CCDC88C: variants seen among roughly 807,000 people sequenced by gnomAD.
The protein encoded by CCDC88C is coiled-coil and HOOK domain protein 88C.
CCDC88C carries 131 observed loss-of-function variants against 198.8 expected under a neutral mutation model. The observed-to-expected ratio is 0.66, with a 90% confidence interval of 0.57 to 0.76. The LOEUF (loss-of-function observed/expected upper bound fraction) is 0.76, where lower values mean the gene tolerates loss of function less well. CCDC88C is among the 30% of genes least tolerant of loss of function. The pLI is 0.00. For synonymous variants in CCDC88C, 1,166 were observed against 1,114.7 expected (o/e 1.05, Z -0.92); for missense variants, 2,553 against 2,631.6 (o/e 0.97, Z 0.65).
rs1264045241 is a variant in CCDC88C, at chr14:91,278,102, G to A, written c.4878C>T (p.Asn1626=). Residue 1626 remains asparagine (N), a synonymous_variant, in exon 29 of 30, where the codon AAC becomes AAT. Transcript: ENST00000389857. ...LPREASTPGR[N]ALGRHEYPLP... ...AGGGGTACTCGTGGCGGCCGAGGGCGTTGCGTCCCGGTGTGCTGGCTTCCC... is the reference window on the plus strand; with the variant it reads ...AGGGGTACTCGTGGCGGCCGAGGGCATTGCGTCCCGGTGTGCTGGCTTCCC... The A allele has an allele frequency of 5.6e-6, 9 of 1,612,920 alleles. No homozygotes were observed. The highest frequency in any genetic ancestry group is 1.1e-5 in the South Asian group (1 of 90,874).
chr14:91,407,288 C>T (rs1465710029), intron 3 of CCDC88C, among the ~76,000 whole-genome samples: 1 of 152,218 alleles, frequency 6.6e-6, no homozygotes, highest in Non-Finnish European at 1.5e-5. Flanking sequence ...CCTCAGCAGA[C>T]CCCAGAACCA....
Position 91,339,070 on chromosome 14 carries a change from G to A in CCDC88C, c.809+208C>T. ...GGACGGGAGGAAACCCTGAAGACCG[G>A]GAAGAATCCCCGCCCCCATCCCTGT... On this transcript the variant is annotated intron_variant, in intron 8 of 29. Coordinates refer to ENST00000389857, the MANE Select transcript of CCDC88C (RefSeq NM_001080414.4). The surrounding 1 kb of genome is among the most constrained non-coding windows in gnomAD (Gnocchi z 5.8). The A allele has an allele frequency of 3.0e-6, 2 of 663,014 alleles. No individual in the cohort carries two copies. 41.1% of individuals were successfully genotyped at this position (663,014 alleles called of 1,614,324 possible).
At chr14:91,320,102 C>G (rs186705503) in intron 13 of CCDC88C, among the ~76,000 whole-genome samples, 5 of 148,258 alleles carry the variant, frequency 3.4e-5, no homozygotes, top group Admixed American at 2.7e-4. Flanking sequence ...GTTTCGAAAA[C>G]CCTTGGAATC....
intron 10 of CCDC88C, among the ~76,000 whole-genome samples, chr14:91,329,550 C>T (rs1892724010): frequency 6.6e-6 from 1 of 152,226 alleles, no homozygotes; most frequent in Non-Finnish European, 1.5e-5. Flanking sequence ...CCTGTGAAGG[C>T]TGAAGCTCAC....
intron 5 of CCDC88C, 141 bp from the exon 6 acceptor site, chr14:91,342,604 C>T (rs1893357506): frequency 1.5e-6 from 1 of 677,448 alleles, no homozygotes; most frequent in Non-Finnish European, 2.7e-6. Context: ...TCTTGTCCTC[C>T]TACCAGCCTT....
chr14:91,365,599 T>C (rs1894497038), intron 3 of CCDC88C, among the ~76,000 whole-genome samples: 1 of 152,176 alleles, frequency 6.6e-6, no homozygotes, highest in Non-Finnish European at 1.5e-5. Flanking sequence ...AGCCTGTGCT[T>C]TCTTTTGGGA....
rs963848339 is a variant in CCDC88C at position 91,303,805 on chromosome 14, C to A, written c.3531G>T (p.Leu1177=). 1.9e-6 allele frequency: 3 copies of A among 1,613,388 alleles called. No individual in the cohort carries two copies. The highest frequency in any genetic ancestry group is 1.1e-5 in the South Asian group (1 of 91,084). The part of the protein sequence containing the change: ...LLQDHEHLGT[L]HERQSAEYEA... Reference sequence around the variant, plus strand: ...CGTACTCGGCCGATTGCCGCTCGTGCAGCGTGCCCAGGTGCTCGTGGTCCT... The same window carrying A: ...CGTACTCGGCCGATTGCCGCTCGTGAAGCGTGCCCAGGTGCTCGTGGTCCT... The change falls in exon 20 of 30, where the codon CTG becomes CTT. Residue 1177 remains leucine, a synonymous_variant. Transcript: ENST00000389857.
intron 3 of CCDC88C, among the ~76,000 whole-genome samples, chr14:91,402,431 C>G (rs1567124609): frequency 6.6e-6 from 1 of 152,212 alleles, no homozygotes; most frequent in Non-Finnish European, 1.5e-5. Flanking sequence ...AGAAACAAGG[C>G]TGAGCAGAGG....
In CCDC88C at chr14:91,300,451, A is replaced by T. The variant is rs115654683; in HGVS notation, c.3636-381T>A. Among the ~76,000 whole-genome samples the T allele has an allele frequency of 5.9e-3, 892 of 152,324 alleles. 6 individuals are homozygous for T. The highest frequency in any genetic ancestry group is 0.021 in the African/African-American group (859 of 41,558). On this transcript the variant is annotated intron_variant, in intron 20 of 29. Transcript: ENST00000389857. ...ACTAGGTAGTTCACTAAGCACAAATAAATCTAAGAGAAACCACAAAACAAA... is the reference window on the plus strand; with the variant it reads ...ACTAGGTAGTTCACTAAGCACAAATTAATCTAAGAGAAACCACAAAACAAA...
intron 3 of CCDC88C, among the ~76,000 whole-genome samples, chr14:91,404,059 C>T (rs1484900694): frequency 1.3e-5 from 2 of 152,248 alleles, no homozygotes. Flanking sequence ...GGCTCTGGCC[C>T]AGCCTTGCCT....
At position 91,325,260 on chromosome 14, in the gene CCDC88C, A is replaced by G. The variant is rs1002108806; in HGVS notation, c.1198-337T>C. ...TCTGTGGCTCTAGCGAAGCCCTAAC[A>G]GGCCTCTAAAGCTGTTAACAGGCTA... is the stretch of plus-strand genomic sequence containing the variant. On this transcript the variant is annotated intron_variant, in intron 11 of 29. Coordinates refer to ENST00000389857, the MANE Select transcript of CCDC88C (RefSeq NM_001080414.4). This position sits in a 1 kb window ranked among gnomAD's most constrained non-coding sequence, Gnocchi z 4.1. Among the ~76,000 whole-genome samples the G allele has an allele frequency of 4.6e-5, 7 of 152,322 alleles. No individual in the cohort carries two copies. In the South Asian group the frequency reaches 1.4e-3, roughly 32 times the overall value.
chr14:91,334,987 C>CTGAGAAGGTGGGG (rs1259146997), intron 10 of CCDC88C, among the ~76,000 whole-genome samples: 1 of 151,850 alleles, frequency 6.6e-6, no homozygotes, highest in Non-Finnish European at 1.5e-5. Flanking sequence ...CTGCAGGTAT[C>CTGAGAAGGTGGGG]TGAGAAGGTG....
chr14:91,380,725 C>T (rs1884737414), intron 3 of CCDC88C, among the ~76,000 whole-genome samples: 1 of 152,060 alleles, frequency 6.6e-6, no homozygotes, highest in African/African-American at 2.4e-5. Flanking sequence ...AAATGAAGGC[C>T]TCTGTATGTG....
chr14:91,327,450 G>C (rs1210999600), intron 10 of CCDC88C, among the ~76,000 whole-genome samples: 1 of 152,254 alleles, frequency 6.6e-6, no homozygotes. Flanking sequence ...CCCTGCCCCA[G>C]GCAATCCATG....
chr14:91,382,170 C>A (rs1009105741), intron 3 of CCDC88C, among the ~76,000 whole-genome samples: 1 of 152,116 alleles, frequency 6.6e-6, no homozygotes, highest in Non-Finnish European at 1.5e-5. Flanking sequence ...GTGTATGGAG[C>A]GCTACTGTCC....
intron 3 of CCDC88C, among the ~76,000 whole-genome samples, chr14:91,363,362 C>T (rs1055283186): frequency 5.9e-5 from 9 of 152,082 alleles, no homozygotes; most frequent in South Asian, 2.1e-4. Flanking sequence ...ACCCCCACCT[C>T]GGCCTTCCAA....
At chr14:91,277,781 C>T in intron 29 of CCDC88C, 141 bp downstream of exon 29, 1 of 928,566 alleles carries the variant, frequency 1.1e-6, no homozygotes, top group Non-Finnish European at 1.5e-6. Flanking sequence ...AGCTAGTGCT[C>T]TAGTCAGCCT....
chr14:91,389,932 C>T (rs1484211017), intron 3 of CCDC88C, among the ~76,000 whole-genome samples: 19 of 151,746 alleles, frequency 1.3e-4, no homozygotes, highest in African/African-American at 4.1e-4. Flanking sequence ...ATTAGCTGGG[C>T]GTGGTGGCGG....
chr14:91,307,341 C>A (rs571048804), intron 17 of CCDC88C, 115 bp from the exon 18 acceptor site: 3 of 875,518 alleles, frequency 3.4e-6, no homozygotes, highest in East Asian at 2.5e-5. Context: ...CATACTCGCC[C>A]GCCCTGGTCT....
Sources: allele counts gnomAD v4.1 joint callset (sites outside exome capture counted in the v4.1 genomes callset), GRCh38; gene constraint gnomAD v4.1.1; non-coding constraint Gnocchi (gnomAD v3.1); transcripts MANE v1.5; gene names NCBI Gene and HGNC (gene_info 2026-07-23, HGNC 2026-07-21).